Variants in PHF24 observed in about 807,000 individuals in gnomAD.
PHF24 encodes the protein PHD finger protein 24.
Under a neutral mutation model 42.6 loss-of-function variants are expected in PHF24, and 25 were observed. The observed-to-expected ratio is 0.59, with a 90% CI of 0.43 to 0.82. PHF24 has a LOEUF of 0.82. Ranked by LOEUF, PHF24 falls within the 40% of genes least tolerant of loss-of-function variation. The pLI, the probability that PHF24 is intolerant of heterozygous loss-of-function variation, is 0.00. For synonymous variants in PHF24, 185 were observed against 204.8 expected, an observed-to-expected ratio of 0.90 and a Z score of 0.83; for missense variants, 470 against 538.1, an observed-to-expected ratio of 0.87 and a Z score of 1.25.
the PHF24 span, among the ~76,000 whole-genome samples, chr9:34,705,785 C>T: frequency 6.6e-6 from 1 of 152,088 alleles, no homozygotes; most frequent in South Asian, 2.1e-4. Flanking sequence ...TCTTTTTGGC[C>T]AAGCAGAGTG....
the PHF24 span, among the ~76,000 whole-genome samples, chr9:34,775,065 A>C: frequency 6.6e-6 from 1 of 152,216 alleles, no homozygotes; most frequent in African/African-American, 2.4e-5. Flanking sequence ...ATATACCAAG[A>C]ATAATTGAAA....
At chr9:34,675,177 T>C in the PHF24 span, among the ~76,000 whole-genome samples, 15 of 152,130 alleles carry the variant, frequency 9.9e-5, no homozygotes, top group Non-Finnish European at 2.1e-4. Context: ...TCTGGCTGCT[T>C]TTTCAATCCA....
chr9:34,961,424 C>T (rs1267716935), intron 1 of PHF24, among the ~76,000 whole-genome samples: 1 of 152,174 alleles, frequency 6.6e-6, no homozygotes, highest in Non-Finnish European at 1.5e-5. Flanking sequence ...TCCATTCTCC[C>T]CACTCTTCCA....
the PHF24 span, among the ~76,000 whole-genome samples, chr9:34,848,770 G>A: frequency 2.6e-5 from 4 of 151,786 alleles, no homozygotes; most frequent in Non-Finnish European, 5.9e-5. Context: ...ACACTGCTTT[G>A]AATGTGTCCC....
chr9:34,822,548 T>C, the PHF24 span, among the ~76,000 whole-genome samples: 1 of 152,210 alleles, frequency 6.6e-6, no homozygotes, highest in African/African-American at 2.4e-5. Context: ...CATTTCTCAT[T>C]CCGTACTTCC....
chr9:34,850,947 G>T, the PHF24 span, among the ~76,000 whole-genome samples: 2 of 152,070 alleles, frequency 1.3e-5, no homozygotes, highest in African/African-American at 2.4e-5. Flanking sequence ...CTGTCTGATC[G>T]TTCCTCTGGA....
the PHF24 span, among the ~76,000 whole-genome samples, chr9:34,900,789 T>A: frequency 6.6e-6 from 1 of 152,200 alleles, no homozygotes; most frequent in Non-Finnish European, 1.5e-5. Context: ...TTAATGCCAC[T>A]ATAAAAACGG....
the PHF24 span, among the ~76,000 whole-genome samples, chr9:34,813,317 C>G: frequency 6.6e-6 from 1 of 152,158 alleles, no homozygotes; most frequent in Non-Finnish European, 1.5e-5. Context: ...ACAAACACTT[C>G]TGTTTCAATC....
At chr9:34,928,207 ACT>A in the PHF24 span, among the ~76,000 whole-genome samples, 1 of 107,856 alleles carries the variant, frequency 9.3e-6, no homozygotes, top group East Asian at 2.3e-4. Context: ...CAAGAGTGAG[ACT>A]CTGTCTCAAA....
At chr9:34,883,765 T>C in the PHF24 span, among the ~76,000 whole-genome samples, 1 of 152,216 alleles carries the variant, frequency 6.6e-6, no homozygotes, top group Non-Finnish European at 1.5e-5. Context: ...ACACTGTTGG[T>C]GGGACTGTAA....
chr9:34,795,263 A>G, the PHF24 span, among the ~76,000 whole-genome samples: 1 of 152,032 alleles, frequency 6.6e-6, no homozygotes, highest in Non-Finnish European at 1.5e-5. Flanking sequence ...GAGAGAGAAA[A>G]AAAAAACTAT....
At chr9:34,688,141 A>G in the PHF24 span, among the ~76,000 whole-genome samples, 2 of 151,814 alleles carry the variant, frequency 1.3e-5, no homozygotes, top group Non-Finnish European at 1.5e-5. Context: ...GGGCTTTCAC[A>G]ACTCCCTCAC....
At chr9:34,917,381 C>A in the PHF24 span, 1 of 774,738 alleles carries the variant, frequency 1.3e-6, no homozygotes, top group African/African-American at 1.7e-5. Context: ...TAGTACTTTA[C>A]AGTCTGAAGG....
the PHF24 span, among the ~76,000 whole-genome samples, chr9:34,905,530 T>C: frequency 1.3e-5 from 2 of 152,244 alleles, no homozygotes; most frequent in Admixed American, 1.3e-4. Context: ...ATGTGGTATA[T>C]AATCTCCTTA....
chr9:34,832,359 G>T, the PHF24 span: 1 of 775,422 alleles, frequency 1.3e-6, no homozygotes, highest in Non-Finnish European at 2.2e-6. Flanking sequence ...ACAGTGGTGG[G>T]GGTGGCCTGG....
chr9:34,936,719 C>T, the PHF24 span, among the ~76,000 whole-genome samples: 5 of 145,500 alleles, frequency 3.4e-5, no homozygotes, highest in Non-Finnish European at 7.5e-5. Flanking sequence ...CTCTGCCCCA[C>T]CGCCCCGTCT....
chr9:34,889,695 C>T, the PHF24 span: 15 of 398,106 alleles, frequency 3.8e-5, no homozygotes, highest in Admixed American at 5.3e-4. Flanking sequence ...CAACTCTTAG[C>T]CCTAGAAAGT....
the PHF24 span, among the ~76,000 whole-genome samples, chr9:34,936,486 G>A: frequency 4.6e-5 from 7 of 151,928 alleles, no homozygotes; most frequent in African/African-American, 1.2e-4. Context: ...CTGCCCGGCC[G>A]CCACCCCGTC....
At chr9:34,665,927 G>A in the PHF24 span, 126 of 550,188 alleles carry the variant, frequency 2.3e-4, no homozygotes, top group Non-Finnish European at 3.4e-4. Flanking sequence ...GGCGGTCATG[G>A]GGCTGGGAGA....
Sources: allele counts gnomAD v4.1 joint callset (sites outside exome capture counted in the v4.1 genomes callset), GRCh38; gene constraint gnomAD v4.1.1; transcripts MANE v1.5; gene names NCBI Gene and HGNC (gene_info 2026-07-23, HGNC 2026-07-21).